The following FSTL1 variants were observed in gnomAD, a reference collection of about 807,000 sequenced individuals.
FSTL1 encodes follistatin like 1.
FSTL1 carries 24 observed loss-of-function variants against 45.9 expected under a neutral mutation model. The ratio of observed to expected loss-of-function variants is 0.52; its 90% CI spans 0.38 to 0.74. The LOEUF (loss-of-function observed/expected upper bound fraction) is 0.74. Ranked by LOEUF, FSTL1 falls within the 30% of genes least tolerant of loss-of-function variation. The probability of loss-of-function intolerance (pLI) is 0.00; values close to 1 mark genes in which losing one functional copy is unlikely to be tolerated. For missense variants in FSTL1, 340 were observed against 381.8 expected (o/e 0.89, Z 0.91); for synonymous variants, 120 against 137.6 (o/e 0.87, Z 0.89).
chr3:120,429,402 A>G (rs1039174062), intron 2 of FSTL1, among the ~76,000 whole-genome samples: 4 of 152,244 alleles, frequency 2.6e-5, no homozygotes, highest in Non-Finnish European at 5.9e-5. Flanking sequence ...AAATGGGGAC[A>G]TTTGAGAGTT....
intron 9 of FSTL1, 73 bp from the exon 10 acceptor site, chr3:120,400,032 A>G: frequency 2.1e-6 from 2 of 952,936 alleles, no homozygotes; most frequent in Non-Finnish European, 1.7e-6. Flanking sequence ...AGATCTACCT[A>G]GAGGCTCTCA....
intron 9 of FSTL1, among the ~76,000 whole-genome samples, chr3:120,401,834 A>G (rs563121851): frequency 4.6e-5 from 7 of 152,302 alleles, no homozygotes; most frequent in African/African-American, 1.2e-4. Flanking sequence ...GGCCTCCCCA[A>G]GTGTTGGGAT....
chr3:120,446,103 T>C lies in FSTL1; in HGVS notation c.63+4581A>G, dbSNP rs189882786. On this transcript the variant is annotated intron_variant, in intron 2 of 10. Coordinates refer to ENST00000295633, the MANE Select transcript of FSTL1 (RefSeq NM_007085.5). ...ATAAAATTTATGTCTGTTAGAAACA[T>C]TCTGCCAGATGTCCAGTTATTTGAA... 3.6e-5 allele frequency among the ~76,000 whole-genome samples: 5 copies of C among 138,636 alleles called. No individual in the cohort carries two copies. The East Asian group carries it at 9.6e-4, about 27-fold the overall frequency. The allele number at this position is 138,636 out of a possible 152,430, so 91.0% of individuals were successfully genotyped here. A position where few individuals can be genotyped will look rare whatever the true frequency, so the allele number is the denominator to read the frequency against.
At chr3:120,432,523 CT>C (rs1482911005) in intron 2 of FSTL1, among the ~76,000 whole-genome samples, 1 of 152,096 alleles carries the variant, frequency 6.6e-6, no homozygotes, top group African/African-American at 2.4e-5. Context: ...CAAAGACCTC[CT>C]TTTTTGTTCA....
In FSTL1 at chr3:120,404,980, G is replaced by C. The variant is rs776677434; in HGVS notation, c.463-9C>G. The C allele has an allele frequency of 8.0e-6, 11 of 1,379,972 alleles. No homozygotes were observed. The East Asian group carries it at 2.5e-4, about 31-fold the overall frequency. The allele number at this position is 1,379,972 out of a possible 1,614,324, so 85.5% of individuals were successfully genotyped here. Reference sequence around the variant, plus strand: ...TCACCATTATCAAAGTTCTAGAAAGGGCATGACAAGATCGTTCAGGGATGT... The same window carrying C: ...TCACCATTATCAAAGTTCTAGAAAGCGCATGACAAGATCGTTCAGGGATGT... On this transcript the variant is annotated splice_polypyrimidine_tract_variant and intron_variant, in intron 6 of 10. Coordinates refer to ENST00000295633, the MANE Select transcript of FSTL1 (RefSeq NM_007085.5).
At chr3:120,422,915 G>T (rs946589852) in intron 2 of FSTL1, among the ~76,000 whole-genome samples, 1 of 152,130 alleles carries the variant, frequency 6.6e-6, no homozygotes, top group Non-Finnish European at 1.5e-5. Context: ...GGCTGGTCTC[G>T]AATTCCTGAT....
intron 5 of FSTL1, 98 bp from the exon 6 acceptor site, chr3:120,409,760 C>G (rs144965637): frequency 6.1e-5 from 66 of 1,089,382 alleles, no homozygotes; most frequent in African/African-American, 5.1e-4. Flanking sequence ...CATGGTTCTG[C>G]ATATGTCATC....
intron 2 of FSTL1, among the ~76,000 whole-genome samples, chr3:120,432,437 G>A (rs9854823): frequency 5.9e-5 from 9 of 151,844 alleles, no homozygotes; most frequent in Admixed American, 3.9e-4. Context: ...CAGGTATTCC[G>A]TTCCGCTGCA....
chr3:120,416,041 T>A lies in FSTL1; in HGVS notation c.64-14A>T, dbSNP rs776915513. The A allele has an allele frequency of 1.9e-6, 3 of 1,553,508 alleles. No individual in the cohort carries two copies. Among genetic ancestry groups the A allele is most frequent in the Non-Finnish European group, 2.7e-6 (3 of 1,124,682 alleles). ...CCTTAGCTCTTCCTAAAACATACAA[T>A]CATAAAGGAAACCGTGTGACTGAGA... is the stretch of plus-strand genomic sequence containing the variant. On this transcript the variant is annotated splice_polypyrimidine_tract_variant and intron_variant, in intron 2 of 10. Transcript: ENST00000295633.
At chr3:120,408,110 T>C (rs552612693) in intron 6 of FSTL1, among the ~76,000 whole-genome samples, 1 of 152,338 alleles carries the variant, frequency 6.6e-6, no homozygotes, top group Non-Finnish European at 1.5e-5. Flanking sequence ...AAGTCACTGC[T>C]CACACACAGC....
intron 2 of FSTL1, among the ~76,000 whole-genome samples, chr3:120,440,677 G>A (rs1187658710): frequency 6.6e-6 from 1 of 152,172 alleles, no homozygotes; most frequent in Admixed American, 6.5e-5. Context: ...TTCCTCTTTT[G>A]AGTTGACTTT....
intron 2 of FSTL1, among the ~76,000 whole-genome samples, chr3:120,428,061 T>G (rs961950105): frequency 6.6e-6 from 1 of 152,208 alleles, no homozygotes; most frequent in African/African-American, 2.4e-5. Context: ...CACTGTCTTC[T>G]GAGGTAGAGG....
At chr3:120,442,781 C>CAA (rs1442791689) in intron 2 of FSTL1, among the ~76,000 whole-genome samples, 2 of 39,618 alleles carry the variant, frequency 5.0e-5, no homozygotes, top group Admixed American at 3.8e-4. Context: ...GACTCCATCT[C>CAA]AAAAAAGAAA....
Position 120,450,918 on chromosome 3 carries a change from T to C in FSTL1, c.-22A>G, listed in dbSNP as rs986617527. ...TCACCGTGGTCTGGTCCAGGTCTCC[T>C]GGGGGCGCGGGGCAGGACGGCGGCA... On this transcript the variant is annotated 5_prime_UTR_variant, in exon 1 of 11. Coordinates refer to ENST00000295633, the MANE Select transcript of FSTL1 (RefSeq NM_007085.5). The C allele has an allele frequency of 3.6e-5, 18 of 498,490 alleles. No individual in the cohort carries two copies. Among genetic ancestry groups the C allele is most frequent in the Admixed American group, 1.7e-4 (4 of 23,196 alleles). 30.9% of individuals were successfully genotyped at this position (498,490 alleles called of 1,614,324 possible). A position where few individuals can be genotyped will look rare whatever the true frequency, so the allele number is the denominator to read the frequency against.
intron 2 of FSTL1, among the ~76,000 whole-genome samples, chr3:120,417,106 A>G (rs539912092): frequency 6.6e-6 from 1 of 152,088 alleles, no homozygotes; most frequent in African/African-American, 2.4e-5. Context: ...CTGTGACAAA[A>G]CCAACAAAGA....
At chr3:120,402,162 TCTCAACTAG>T (rs1178399218) in intron 9 of FSTL1, among the ~76,000 whole-genome samples, 2 of 152,180 alleles carry the variant, frequency 1.3e-5, no homozygotes, top group Non-Finnish European at 2.9e-5. Context: ...CCTGCACATA[TCTCAACTAG>T]CTCAACTTTC....
At chr3:120,436,268 TTAAGAAA>T (rs1937557439) in intron 2 of FSTL1, among the ~76,000 whole-genome samples, 1 of 152,182 alleles carries the variant, frequency 6.6e-6, no homozygotes, top group South Asian at 2.1e-4. Flanking sequence ...GGGAGTTTTA[TTAAGAAA>T]TAAGTCTGCA....
intron 2 of FSTL1, among the ~76,000 whole-genome samples, chr3:120,433,125 A>G (rs1486850484): frequency 6.6e-6 from 1 of 152,246 alleles, no homozygotes. Context: ...TTAATGCTTT[A>G]TTTCATATTC....
At chr3:120,416,651 C>CA (rs1451428974) in intron 2 of FSTL1, among the ~76,000 whole-genome samples, 1 of 152,182 alleles carries the variant, frequency 6.6e-6, no homozygotes, top group African/African-American at 2.4e-5. Flanking sequence ...ATTATCATCT[C>CA]AAAGGGCAAA....
Sources: allele counts gnomAD v4.1 joint callset (sites outside exome capture counted in the v4.1 genomes callset), GRCh38; gene constraint gnomAD v4.1.1; transcripts MANE v1.5; gene names NCBI Gene and HGNC (gene_info 2026-07-23, HGNC 2026-07-21).